The following PRMT3 variants were observed in gnomAD, a reference collection of about 807,000 sequenced individuals.
PRMT3 encodes the protein protein arginine N-methyltransferase 3.
Under a neutral mutation model 71.9 loss-of-function variants are expected in PRMT3, and 62 were observed. The ratio of observed to expected loss-of-function variants is 0.86; its 90% CI spans 0.70 to 1.07. The LOEUF is 1.07. PRMT3 is among the 50% of genes least tolerant of loss of function. The pLI, the probability that PRMT3 is intolerant of heterozygous loss-of-function variation, is 0.00. For missense variants in PRMT3, 663 were observed against 643.0 expected (o/e 1.03, Z -0.34); for synonymous variants, 213 against 220.4 (o/e 0.97, Z 0.30).
intron 10 of PRMT3, among the ~76,000 whole-genome samples, chr11:20,446,867 C>T (rs1418907204): frequency 1.3e-5 from 2 of 152,126 alleles, no homozygotes; most frequent in Non-Finnish European, 2.9e-5. Flanking sequence ...CTGTATTTTG[C>T]CAAGTGCCTA....
At chr11:20,405,201 G>C (rs1849043592) in intron 8 of PRMT3, among the ~76,000 whole-genome samples, 1 of 151,886 alleles carries the variant, frequency 6.6e-6, no homozygotes, top group African/African-American at 2.4e-5. Flanking sequence ...AACTTTGGGT[G>C]GTATTTAATC....
intron 15 of PRMT3, among the ~76,000 whole-genome samples, chr11:20,500,319 ACTT>A (rs1851428080): frequency 6.6e-6 from 1 of 152,200 alleles, no homozygotes; most frequent in Non-Finnish European, 1.5e-5. Context: ...TTACAGTGTT[ACTT>A]CTTCATAGAA....
chr11:20,432,349 A>C (rs2133359819), intron 10 of PRMT3, among the ~76,000 whole-genome samples: 1 of 152,262 alleles, frequency 6.6e-6, no homozygotes, highest in South Asian at 2.1e-4. Flanking sequence ...TAAACCCTTC[A>C]AATTTACAGC....
chr11:20,423,039 C>G (rs1207278437), intron 9 of PRMT3, among the ~76,000 whole-genome samples: 1 of 152,144 alleles, frequency 6.6e-6, no homozygotes, highest in Non-Finnish European at 1.5e-5. Context: ...ATCTCTTAGT[C>G]TGGACTTCCT....
At chr11:20,426,257 G>C (rs890743150) in intron 9 of PRMT3, among the ~76,000 whole-genome samples, 9 of 152,162 alleles carry the variant, frequency 5.9e-5, no homozygotes, top group African/African-American at 2.2e-4. Flanking sequence ...GACGTAAATA[G>C]GGTCGGTATT....
At chr11:20,465,835 T>G (rs1355922508) in intron 13 of PRMT3, among the ~76,000 whole-genome samples, 1 of 152,150 alleles carries the variant, frequency 6.6e-6, no homozygotes, top group African/African-American at 2.4e-5. Context: ...GAAATTATTT[T>G]TGTCAATTGA....
intron 15 of PRMT3, among the ~76,000 whole-genome samples, chr11:20,502,998 C>T (rs906632173): frequency 6.6e-6 from 1 of 152,030 alleles, no homozygotes; most frequent in Non-Finnish European, 1.5e-5. Flanking sequence ...GAATGTAACA[C>T]TGGAATATAT....
chr11:20,396,086 A>G, intron 6 of PRMT3, 124 bp downstream of exon 6: 1 of 846,560 alleles, frequency 1.2e-6, no homozygotes, highest in Middle Eastern at 3.0e-4. Context: ...TTTTATCTTC[A>G]TACTGTTAAA....
chr11:20,391,063 T>A (rs11025545), intron 3 of PRMT3, among the ~76,000 whole-genome samples: 11,585 of 144,950 alleles, frequency 0.08, 574 homozygotes, highest in East Asian at 0.2. Flanking sequence ...AAAAAAAAAA[T>A]AATAGGTTTT....
At chr11:20,494,110 A>G (rs2133453989) in intron 14 of PRMT3, 57 bp from the exon 15 acceptor site, 1 of 1,505,418 alleles carries the variant, frequency 6.6e-7, no homozygotes, top group Non-Finnish European at 9.2e-7. Context: ...AGATTAATGT[A>G]CCATGATATT....
intron 6 of PRMT3, among the ~76,000 whole-genome samples, chr11:20,396,550 A>G (rs1429382308): frequency 6.6e-6 from 1 of 152,102 alleles, no homozygotes; most frequent in African/African-American, 2.4e-5. Flanking sequence ...AGACAGGAGA[A>G]TTGCTTGAAT....
At chr11:20,421,625 C>T (rs930774318) in intron 9 of PRMT3, among the ~76,000 whole-genome samples, 2 of 152,208 alleles carry the variant, frequency 1.3e-5, no homozygotes, top group African/African-American at 4.8e-5. Flanking sequence ...CTCTACAAAG[C>T]TTGTTAATAA....
At chr11:20,449,486 A>G (rs1850102265) in intron 10 of PRMT3, among the ~76,000 whole-genome samples, 1 of 152,180 alleles carries the variant, frequency 6.6e-6, no homozygotes, top group South Asian at 2.1e-4. Context: ...GAACTTGTAT[A>G]GTGAGATCAA....
intron 12 of PRMT3, among the ~76,000 whole-genome samples, 197 bp from the exon 13 acceptor site, chr11:20,464,263 A>G (rs1200075719): frequency 1.3e-5 from 2 of 152,208 alleles, no homozygotes; most frequent in African/African-American, 4.8e-5. Flanking sequence ...TAACAAGATG[A>G]TAGTACTAGT....
chr11:20,397,782 C>A, intron 7 of PRMT3, 61 bp downstream of exon 7: 1 of 1,566,572 alleles, frequency 6.4e-7, no homozygotes, highest in South Asian at 1.2e-5. Flanking sequence ...CAGGTTCTTT[C>A]TTAATATATG....
chr11:20,437,416 A>G (rs1849784056), intron 10 of PRMT3, among the ~76,000 whole-genome samples: 1 of 152,120 alleles, frequency 6.6e-6, no homozygotes, highest in Non-Finnish European at 1.5e-5. Context: ...CTAGTGTTGC[A>G]AAGGGAAAGA....
chr11:20,428,782 C>T (rs1050066382), intron 10 of PRMT3, among the ~76,000 whole-genome samples: 1 of 152,208 alleles, frequency 6.6e-6, no homozygotes, highest in African/African-American at 2.4e-5. Context: ...AACACTAAAT[C>T]TCCCAAGATT....
Position 20,404,240 on chromosome 11 carries a change from T to TG in PRMT3, c.771+1256_771+1257insG, listed in dbSNP as rs755736677. On this transcript the variant is annotated intron_variant, in intron 8 of 15. Coordinates refer to ENST00000331079, the MANE Select transcript of PRMT3 (RefSeq NM_005788.4). ...TTTTTTTTTTTTTTTTTTTTTTTTT[T>TG]TTTTTTTTTTTTGAGACAGAGTCTC... Among the ~76,000 whole-genome samples, 46 of 121,932 alleles carry TG rather than the reference T, an allele frequency of 3.8e-4. 1 individual carries two copies. The highest frequency in any genetic ancestry group is 3.4e-3 in the East Asian group (15 of 4,352). The allele number at this position is 121,932 out of a possible 152,430, so 80.0% of individuals were successfully genotyped here. A position where few individuals can be genotyped will look rare whatever the true frequency, so the allele number is the denominator to read the frequency against.
rs572510085 is a variant in PRMT3, at chr11:20,478,135, G to A, written c.1347+13589G>A. Among the ~76,000 whole-genome samples the A allele has an allele frequency of 2.6e-5, 4 of 152,292 alleles. No homozygotes were observed. The East Asian group carries it at 7.7e-4, about 29-fold the overall frequency. ...GACAGTTATTTAGACCTATTTGCAA[G>A]TAAGACTCCTCTGTGGTTTTAATGA... On this transcript the variant is annotated intron_variant, in intron 13 of 15. Coordinates refer to ENST00000331079, the MANE Select transcript of PRMT3 (RefSeq NM_005788.4).
Sources: gnomAD v4.1 joint callset for allele counts (sites outside exome capture counted in the v4.1 genomes callset) on GRCh38, gnomAD v4.1.1 for gene constraint, MANE v1.5 for transcripts, NCBI Gene and HGNC (gene_info 2026-07-23, HGNC 2026-07-21) for gene names.